ADAMTSL1: variants seen among roughly 807,000 people sequenced by gnomAD.
ADAMTSL1 encodes the protein ADAMTS like 1.
A neutral mutation model predicts 201.8 loss-of-function variants in ADAMTSL1; 126 were observed. That is an observed-to-expected ratio of 0.62 (90% confidence interval 0.54 to 0.72). ADAMTSL1 has a LOEUF of 0.72. Among genes scored for constraint, ADAMTSL1 ranks in the 30% least tolerant of loss-of-function variants. ADAMTSL1 has a pLI of 0.00. For missense variants in ADAMTSL1, 2,679 were observed against 2,277.8 expected (o/e 1.18, Z -3.59); for synonymous variants, 1,121 against 903.4 (o/e 1.24, Z -4.32).
At chr9:18,787,182 G>C (rs1345407213) in intron 19 of ADAMTSL1, among the ~76,000 whole-genome samples, 1 of 152,176 alleles carries the variant, frequency 6.6e-6, no homozygotes, top group Non-Finnish European at 1.5e-5. Context: ...TTCCCTTATA[G>C]AGCTAAAGGA....
chr9:17,997,783 A>G (rs914199867), intron 1 of ADAMTSL1, among the ~76,000 whole-genome samples: 1 of 152,098 alleles, frequency 6.6e-6, no homozygotes, highest in Admixed American at 6.6e-5. Flanking sequence ...GACAGTTGGT[A>G]TTATTTTAAG....
chr9:18,377,611 C>A (rs1837358810), intron 2 of ADAMTSL1, among the ~76,000 whole-genome samples: 1 of 152,052 alleles, frequency 6.6e-6, no homozygotes. Context: ...ACTCTGTCAC[C>A]CAGGCTAGAG....
chr9:18,314,637 T>C (rs998078773), intron 2 of ADAMTSL1, among the ~76,000 whole-genome samples: 11 of 151,886 alleles, frequency 7.2e-5, no homozygotes, highest in Admixed American at 3.9e-4. Flanking sequence ...GCTGCAGACC[T>C]TTGCGGTGAG....
Position 18,826,404 on chromosome 9 carries a change from C to A in ADAMTSL1, c.4055C>A (p.Ser1352Tyr). Residue 1352 changes from serine to tyrosine, a missense_variant, in exon 22 of 29, where the codon TCC becomes TAC. Transcript: ENST00000380548. ...NVSSSDQGLYSCRAANLHGEL... is the reference protein window; with the variant it reads ...NVSSSDQGLYYCRAANLHGEL... Reference sequence around the variant, plus strand: ...TCCTCCTCGGATCAGGGCCTGTACTCCTGCAGGGCGGCCAATCTTCATGGA... The same window carrying A: ...TCCTCCTCGGATCAGGGCCTGTACTACTGCAGGGCGGCCAATCTTCATGGA... 1 of 1,613,856 alleles carries A rather than the reference C, an allele frequency of 6.2e-7. No homozygotes were observed. Among genetic ancestry groups the A allele is most frequent in the Non-Finnish European group, 8.5e-7 (1 of 1,179,858 alleles).
intron 1 of ADAMTSL1, among the ~76,000 whole-genome samples, chr9:18,500,121 G>A (rs1038690101): frequency 6.6e-6 from 1 of 152,214 alleles, no homozygotes; most frequent in African/African-American, 2.4e-5. Flanking sequence ...CTATTGGGCA[G>A]TGAGCTGCAG....
intron 4 of ADAMTSL1, among the ~76,000 whole-genome samples, chr9:18,589,713 T>C (rs373541249): frequency 3.9e-5 from 6 of 152,204 alleles, no homozygotes; most frequent in African/African-American, 1.4e-4. Flanking sequence ...GCTTGTCATT[T>C]ATGACCTTTG....
chr9:18,571,524 C>T (rs150913523), intron 3 of ADAMTSL1, among the ~76,000 whole-genome samples: 84 of 152,300 alleles, frequency 5.5e-4, no homozygotes, highest in African/African-American at 1.9e-3. Context: ...AACGAAAATA[C>T]TGTATTTAAA....
At chr9:18,433,983 T>G (rs148296020) in intron 2 of ADAMTSL1, among the ~76,000 whole-genome samples, 5 of 152,338 alleles carry the variant, frequency 3.3e-5, no homozygotes, top group African/African-American at 4.8e-5. Context: ...ACTGTAAATT[T>G]TAGTGTTTCA....
intron 2 of ADAMTSL1, among the ~76,000 whole-genome samples, chr9:18,178,505 C>T (rs145765117): frequency 0.024 from 3,569 of 151,708 alleles, 149 homozygotes; most frequent in African/African-American, 0.08. Flanking sequence ...CCGGGAAGCT[C>T]GAACTGGGTG....
At chr9:18,827,616 T>A (rs888136957) in intron 22 of ADAMTSL1, among the ~76,000 whole-genome samples, 2 of 152,166 alleles carry the variant, frequency 1.3e-5, no homozygotes, top group Admixed American at 1.3e-4. Flanking sequence ...CCACACTGAG[T>A]TACGGTGCTT....
At chr9:18,784,717 A>C (rs539937080) in intron 19 of ADAMTSL1, among the ~76,000 whole-genome samples, 1 of 152,332 alleles carries the variant, frequency 6.6e-6, no homozygotes, top group African/African-American at 2.4e-5. Context: ...CAGGCTCATC[A>C]TCACAGGTAA....
At chr9:18,185,786 G>T (rs541610494) in intron 2 of ADAMTSL1, among the ~76,000 whole-genome samples, 2 of 152,102 alleles carry the variant, frequency 1.3e-5, no homozygotes, top group Non-Finnish European at 1.5e-5. Flanking sequence ...ATGACTCCAA[G>T]TTTACAAGCA....
chr9:18,701,212 C>CTTTTTTTT (rs35537367), intron 13 of ADAMTSL1, among the ~76,000 whole-genome samples: 1 of 87,698 alleles, frequency 1.1e-5, no homozygotes, highest in African/African-American at 4.1e-5. Flanking sequence ...CTTTTGGGTT[C>CTTTTTTTT]TTTTTTTTTT....
chr9:18,639,314 C>A lies in ADAMTSL1; in HGVS notation c.737C>A (p.Thr246Asn), dbSNP rs373533093. The A allele has an allele frequency of 6.2e-7, 1 of 1,612,920 alleles. No individual in the cohort carries two copies. Among genetic ancestry groups the A allele is most frequent in the African/African-American group, 1.3e-5 (1 of 74,882 alleles). ...GAAAACAGTCTCAGCTCCACAGGAACTTTCCTTGTGGACAATTCTAGTGTG... is the reference window on the plus strand; with the variant it reads ...GAAAACAGTCTCAGCTCCACAGGAAATTTCCTTGTGGACAATTCTAGTGTG... ...KGENSLSSTG[T>N]FLVDNSSVDF... Residue 246 changes from threonine (T) to asparagine (N), a missense_variant, in exon 7 of 29, where the codon ACT (threonine) becomes AAT (asparagine). Transcript: ENST00000380548.
intron 2 of ADAMTSL1, among the ~76,000 whole-genome samples, chr9:18,345,899 C>G (rs1351259553): frequency 3.3e-5 from 5 of 152,000 alleles, no homozygotes; most frequent in Admixed American, 2.0e-4. Flanking sequence ...AGGAATTGAA[C>G]ATGGAGATCC....
chr9:18,722,246 T>TAATC (rs1564182195), intron 15 of ADAMTSL1, among the ~76,000 whole-genome samples: 7 of 152,182 alleles, frequency 4.6e-5, no homozygotes, highest in Admixed American at 3.9e-4. Flanking sequence ...TTGATTGAAT[T>TAATC]AATCAATCCA....
chr9:18,854,598 T>G (rs1423603290), intron 23 of ADAMTSL1, among the ~76,000 whole-genome samples: 1 of 152,082 alleles, frequency 6.6e-6, no homozygotes, highest in Non-Finnish European at 1.5e-5. Context: ...ATGAATAGAA[T>G]GGATGCTAGA....
At chr9:18,342,315 T>C (rs1241795953) in intron 2 of ADAMTSL1, among the ~76,000 whole-genome samples, 1 of 152,176 alleles carries the variant, frequency 6.6e-6, no homozygotes, top group Non-Finnish European at 1.5e-5. Flanking sequence ...TATAGGTCAT[T>C]GACTTTAACT....
intron 19 of ADAMTSL1, among the ~76,000 whole-genome samples, chr9:18,789,259 A>G (rs1821887777): frequency 6.6e-6 from 1 of 152,222 alleles, no homozygotes; most frequent in Non-Finnish European, 1.5e-5. Context: ...CATGCCAGGC[A>G]CTTTTCTGTG....
Sources: allele counts gnomAD v4.1 joint callset (sites outside exome capture counted in the v4.1 genomes callset), GRCh38; gene constraint gnomAD v4.1.1; transcripts MANE v1.5; gene names NCBI Gene and HGNC (gene_info 2026-07-23, HGNC 2026-07-21).